The following GSE1 variants were observed in gnomAD, a reference collection of about 807,000 sequenced individuals.
The protein encoded by GSE1 is genetic suppressor element 1.
In GSE1, 32 loss-of-function variants were observed where a neutral mutation model predicts 112.6. That is an observed-to-expected ratio of 0.28 (90% CI 0.21 to 0.38). The LOEUF (loss-of-function observed/expected upper bound fraction) is 0.38. Among genes scored for constraint, GSE1 ranks in the 10% least tolerant of loss-of-function variants. GSE1 has a pLI of 1.00. For missense variants in GSE1, 2,348 were observed against 1,699.2 expected, an observed-to-expected ratio of 1.38 and a Z score of -6.71; for synonymous variants, 1,115 against 735.6, an observed-to-expected ratio of 1.52 and a Z score of -8.35.
At chr16:85,335,409 C>A (rs887622432) in intron 1 of GSE1, among the ~76,000 whole-genome samples, 1 of 152,242 alleles carries the variant, frequency 6.6e-6, no homozygotes. Context: ...GACCTTTGAT[C>A]CAGCAGGAAT....
At chr16:85,627,665 GCCCCCGGCCCCCCGGC>G (rs764135404) in intron 1 of GSE1, among the ~76,000 whole-genome samples, 2 of 151,828 alleles carry the variant, frequency 1.3e-5, no homozygotes, top group African/African-American at 2.4e-5. Context: ...TGCGGAGACA[GCCCCCGGCCCCCCGGC>G]CCCCCGGCCC....
intron 1 of GSE1, among the ~76,000 whole-genome samples, chr16:85,251,042 G>A (rs931830145): frequency 4.1e-4 from 62 of 152,324 alleles, no homozygotes; most frequent in African/African-American, 1.3e-3. Context: ...GGTGTGCCAC[G>A]TCTCGTTATC....
At chr16:85,565,190 G>T (rs2045688196) in intron 1 of GSE1, among the ~76,000 whole-genome samples, 1 of 152,036 alleles carries the variant, frequency 6.6e-6, no homozygotes, top group Non-Finnish European at 1.5e-5. Flanking sequence ...ACGAGTTCAA[G>T]ACCAGCCTGA....
intron 1 of GSE1, among the ~76,000 whole-genome samples, chr16:85,224,863 G>A (rs558062258): frequency 6.9e-4 from 104 of 149,680 alleles, no homozygotes; most frequent in Admixed American, 2.2e-3. Context: ...GCCAGGTGTG[G>A]TGGCACCTGT....
At position 85,174,723 on chromosome 16, in the gene GSE1, C is replaced by G. The variant is rs542308844; in HGVS notation, c.2283+2916C>G. Among the ~76,000 whole-genome samples, 80 of 152,294 alleles carry G rather than the reference C, an allele frequency of 5.3e-4. 1 individual carries two copies. The highest frequency in any genetic ancestry group is 1.8e-3 in the African/African-American group (74 of 41,556). On this transcript the variant is annotated intron_variant, in intron 1 of 2. Coordinates refer to the GSE1 transcript ENST00000637419. Reference sequence around the variant, plus strand: ...CCGAGAAGTAGCCGAGCAGATTAAACTTAGGACCCAGTGCCAGGGTGGGCA... The same window carrying G: ...CCGAGAAGTAGCCGAGCAGATTAAAGTTAGGACCCAGTGCCAGGGTGGGCA...
chr16:85,555,344 C>G (rs58152479), upstream of GSE1: 9 of 985,154 alleles, frequency 9.1e-6, no homozygotes, highest in East Asian at 3.4e-4. Context: ...CCTTCCACCC[C>G]CTCTCTCTGA....
chr16:85,554,786 G>C (rs1021373260), upstream of GSE1: 39 of 703,514 alleles, frequency 5.5e-5, no homozygotes, highest in Non-Finnish European at 6.5e-5. Flanking sequence ...GGGGGGGGAG[G>C]GAGGGAGGAC....
chr16:85,588,492 T>C (rs2046813919), intron 1 of GSE1, among the ~76,000 whole-genome samples: 2 of 152,160 alleles, frequency 1.3e-5, no homozygotes, highest in African/African-American at 4.8e-5. Context: ...AATCTGTAAT[T>C]CGGATGACAT....
intron 2 of GSE1, among the ~76,000 whole-genome samples, chr16:85,481,301 G>T (rs1478894171): frequency 1.3e-5 from 2 of 152,186 alleles, no homozygotes; most frequent in South Asian, 2.1e-4. Flanking sequence ...CATGTAAAGC[G>T]CATAGCACAG....
intron 2 of GSE1, among the ~76,000 whole-genome samples, chr16:85,483,077 T>C (rs1051023216): frequency 6.6e-6 from 1 of 152,224 alleles, no homozygotes; most frequent in African/African-American, 2.4e-5. Flanking sequence ...CTTTATTTCA[T>C]GTACAAATTA....
chr16:85,574,581 C>G (rs1448545289), intron 1 of GSE1, among the ~76,000 whole-genome samples: 1 of 152,216 alleles, frequency 6.6e-6, no homozygotes, highest in East Asian at 1.9e-4. Flanking sequence ...CCAGGTCATT[C>G]CTTTCTGGGC....
chr16:85,673,055 T>TTTTAC lies in GSE1; in HGVS notation c.*520_*524dup, dbSNP rs2053470283. On this transcript the variant is annotated 3_prime_UTR_variant, in exon 16 of 16. Transcript: ENST00000253458. ...CAGTAAAAAGGGCTTATTTGTTTCA[T>TTTTAC]TTTACTTTCCTGCAAAATTTTCTTC... 6.6e-6 allele frequency: 1 copy of TTTTAC among 152,212 alleles called. No individual in the cohort carries two copies. Among genetic ancestry groups the TTTTAC allele is most frequent in the African/African-American group, 2.4e-5 (1 of 41,454 alleles). The allele number at this position is 152,212 out of a possible 1,614,324, so 9.4% of individuals were successfully genotyped here. A position where few individuals can be genotyped will look rare whatever the true frequency, so the allele number is the denominator to read the frequency against.
chr16:85,641,529 C>G (rs1240019920), intron 2 of GSE1, among the ~76,000 whole-genome samples: 6 of 152,208 alleles, frequency 3.9e-5, no homozygotes, highest in African/African-American at 1.4e-4. Context: ...GCTGCTGCTA[C>G]TTGGTCTCCT....
At chr16:85,559,750 C>T (rs1372790140) in intron 1 of GSE1, among the ~76,000 whole-genome samples, 1 of 152,178 alleles carries the variant, frequency 6.6e-6, no homozygotes, top group Non-Finnish European at 1.5e-5. Flanking sequence ...ATTGTATCTC[C>T]CTCAGGATCA....
chr16:85,228,991 C>T (rs2075536202), intron 1 of GSE1, among the ~76,000 whole-genome samples: 1 of 152,232 alleles, frequency 6.6e-6, no homozygotes, highest in Admixed American at 6.5e-5. Flanking sequence ...AACAACTGTT[C>T]CTGCCTCACC....
intron 1 of GSE1, among the ~76,000 whole-genome samples, chr16:85,628,661 C>T (rs1294380345): frequency 1.3e-5 from 2 of 152,196 alleles, no homozygotes; most frequent in African/African-American, 4.8e-5. Flanking sequence ...GTTGGCGGTG[C>T]TGACTTCGTG....
chr16:85,475,022 A>T (rs2050409072), intron 2 of GSE1, among the ~76,000 whole-genome samples: 1 of 151,980 alleles, frequency 6.6e-6, no homozygotes, highest in Non-Finnish European at 1.5e-5. Flanking sequence ...GGGCGACCCC[A>T]TGTCCTCTGT....
At chr16:85,370,813 C>T (rs2047282402) in intron 2 of GSE1, among the ~76,000 whole-genome samples, 2 of 152,238 alleles carry the variant, frequency 1.3e-5, no homozygotes, top group Non-Finnish European at 2.9e-5. Flanking sequence ...TCTGTGTGAC[C>T]ACCTTTGGGA....
intron 2 of GSE1, among the ~76,000 whole-genome samples, chr16:85,446,128 C>A (rs2049505240): frequency 6.6e-6 from 1 of 152,192 alleles, no homozygotes; most frequent in Non-Finnish European, 1.5e-5. Flanking sequence ...GAGAGCCCCG[C>A]CTGGCCCTGG....
Sources: gnomAD v4.1 joint callset for allele counts (sites outside exome capture counted in the v4.1 genomes callset) on GRCh38, gnomAD v4.1.1 for gene constraint, MANE v1.5 for transcripts, NCBI Gene and HGNC (gene_info 2026-07-23, HGNC 2026-07-21) for gene names.